GLI3: variants seen among roughly 807,000 people sequenced by gnomAD.
GLI3 encodes transcription activator GLI3.
GLI3 carries 20 observed loss-of-function variants against 100.8 expected under a neutral mutation model. The ratio of observed to expected loss-of-function variants is 0.20; its 90% CI spans 0.14 to 0.29. GLI3 has a LOEUF of 0.29. Ranked by LOEUF, GLI3 falls within the 10% of genes least tolerant of loss-of-function variation. The probability of loss-of-function intolerance (pLI) is 1.00; values close to 1 mark genes in which losing one functional copy is unlikely to be tolerated. For missense variants in GLI3, 2,040 were observed against 2,128.5 expected (o/e 0.96, Z 0.82); for synonymous variants, 938 against 860.5 (o/e 1.09, Z -1.58).
At chr7:42,232,023 T>A (rs1788704359) in intron 1 of GLI3, among the ~76,000 whole-genome samples, 1 of 152,056 alleles carries the variant, frequency 6.6e-6, no homozygotes. Flanking sequence ...TTATCCCCCA[T>A]TACTTAATTA....
At chr7:42,018,744 C>T (rs561404187) in intron 10 of GLI3, among the ~76,000 whole-genome samples, 2 of 152,288 alleles carry the variant, frequency 1.3e-5, no homozygotes, top group Non-Finnish European at 2.9e-5. Context: ...AAATTCGCAG[C>T]ATATGAAAGC....
At chr7:42,063,782 T>C (rs1390511105) in intron 4 of GLI3, among the ~76,000 whole-genome samples, 1 of 152,152 alleles carries the variant, frequency 6.6e-6, no homozygotes, top group Admixed American at 6.6e-5. Context: ...TGATATAAAA[T>C]GGTATTGAAT....
At chr7:42,073,682 C>T (rs1319886100) in intron 4 of GLI3, among the ~76,000 whole-genome samples, 3 of 152,264 alleles carry the variant, frequency 2.0e-5, no homozygotes, top group South Asian at 2.1e-4. Context: ...AGAGATCTGT[C>T]GGCATTTCCA....
intron 2 of GLI3, among the ~76,000 whole-genome samples, chr7:42,202,346 T>TCTCTCACA (rs1184635369): frequency 8.7e-6 from 1 of 115,248 alleles, no homozygotes; most frequent in African/African-American, 3.3e-5. Flanking sequence ...TCTCTCTCTC[T>TCTCTCACA]CACACACACA....
chr7:41,978,712 CCTT>C lies in GLI3; in HGVS notation c.1531_1533del (p.Lys511del), dbSNP rs761300785. On this transcript the variant is annotated inframe_deletion, in exon 11 of 15. Coordinates refer to ENST00000395925, the MANE Select transcript of GLI3 (RefSeq NM_000168.6). ...CAGTCCAGCCACCTGCACACGAACT[CCTT>C]CTTCTCTCCATGAATATGGTCGTTA... The C allele has an allele frequency of 8.1e-6, 13 of 1,613,822 alleles. No individual in the cohort carries two copies. The highest frequency in any genetic ancestry group is 1.1e-5 in the South Asian group (1 of 91,078).
At chr7:42,238,297 C>G (rs938675125), upstream of GLI3, among the ~76,000 whole-genome samples, 5 of 152,106 alleles carry the variant, frequency 3.3e-5, no homozygotes, top group Non-Finnish European at 7.4e-5. Flanking sequence ...CTTTCTCACT[C>G]TTGCTCAAGG....
chr7:42,123,083 T>C (rs1031342942), intron 3 of GLI3, among the ~76,000 whole-genome samples: 4 of 152,256 alleles, frequency 2.6e-5, no homozygotes, highest in Non-Finnish European at 5.9e-5. Flanking sequence ...GCAAGTCCAT[T>C]ATCGACATTT....
At chr7:42,256,956 A>G (rs1477087350) in intron 1 of GLI3, among the ~76,000 whole-genome samples, 1 of 151,998 alleles carries the variant, frequency 6.6e-6, no homozygotes, top group Non-Finnish European at 1.5e-5. Context: ...TTTTCTTTGC[A>G]GTGTTTTGTA....
In GLI3 at chr7:42,026,157, G is replaced by C. The variant is rs772766325; in HGVS notation, c.1242+42C>G. ...GACGTGGTGGCCTGCCCCCACCCTC[G>C]GCTGACCAGCACGGCCGGGTGCATC... On this transcript the variant is annotated intron_variant, in intron 8 of 14. Coordinates refer to ENST00000395925, the MANE Select transcript of GLI3 (RefSeq NM_000168.6). 6.9e-6 allele frequency: 10 copies of C among 1,455,730 alleles called. No homozygotes were observed. The Admixed American group carries it at 1.4e-4, about 21-fold the overall frequency. 90.2% of individuals were successfully genotyped at this position (1,455,730 alleles called of 1,614,324 possible).
At chr7:42,126,853 A>G (rs1458171963) in intron 3 of GLI3, among the ~76,000 whole-genome samples, 1 of 152,192 alleles carries the variant, frequency 6.6e-6, no homozygotes, top group East Asian at 1.9e-4. Context: ...TTATTAGAAG[A>G]GGGTCAGCCT....
At chr7:42,182,662 A>ATATGTGTGTG (rs1787626421) in intron 2 of GLI3, among the ~76,000 whole-genome samples, 1 of 76,742 alleles carries the variant, frequency 1.3e-5, no homozygotes, top group Non-Finnish European at 2.5e-5. Context: ...ATATATATAT[A>ATATGTGTGTG]TATATATATA....
chr7:41,966,149 G>A lies in GLI3; in HGVS notation c.2924C>T (p.Ala975Val), dbSNP rs940859051. 2 of 1,596,108 alleles carry A rather than the reference G, an allele frequency of 1.3e-6. No individual in the cohort carries two copies. Among genetic ancestry groups the A allele is most frequent in the African/African-American group, 1.3e-5 (1 of 74,818 alleles). The change falls in exon 15 of 15, where the codon GCC (alanine) becomes GTC (valine). Residue 975 changes from alanine to valine, a missense_variant. By Grantham distance (64) the Ala-to-Val change is moderately conservative. Around this residue, in one of 5 missense-constraint regions of GLI3, gnomAD observed 1,041 missense variants for 924.0 expected, o/e 1.13. Transcript: ENST00000395925. The surrounding 1 kb of genome is among the most constrained non-coding windows in gnomAD (Gnocchi z 5.8). Reference sequence around the variant, plus strand: ...TCCCCCGTCGCTGCACCTCCTCGGGGCATGAACTGGAGGCAGGGCCACGCC... The same window carrying A: ...TCCCCCGTCGCTGCACCTCCTCGGGACATGAACTGGAGGCAGGGCCACGCC... ...EPGVALPPVH[A>V]PRRCSDGGAH...
rs770986696 is a variant in GLI3, at chr7:42,045,374, C to T, written c.826+10G>A. 9.3e-6 allele frequency: 15 copies of T among 1,612,894 alleles called. No homozygotes were observed. Among genetic ancestry groups the T allele is most frequent in the Admixed American group, 1.7e-5 (1 of 60,008 alleles). ...TTCCCAAGACTCTAGAAACCAGCCCCGTCACTTACTATCCATAGCATGAAG... is the reference window on the plus strand; with the variant it reads ...TTCCCAAGACTCTAGAAACCAGCCCTGTCACTTACTATCCATAGCATGAAG... On this transcript the variant is annotated intron_variant, in intron 6 of 14. Coordinates refer to ENST00000395925, the MANE Select transcript of GLI3 (RefSeq NM_000168.6).
intron 2 of GLI3, among the ~76,000 whole-genome samples, chr7:42,204,838 C>A (rs183676332): frequency 1.3e-5 from 2 of 152,060 alleles, no homozygotes; most frequent in Non-Finnish European, 2.9e-5. Context: ...ACGACTTCCC[C>A]GAGACTCTCC....
At position 42,026,170 on chromosome 7, in the gene GLI3, G is replaced by A. The variant is rs751800246; in HGVS notation, c.1242+29C>T. On this transcript the variant is annotated intron_variant, in intron 8 of 14. Transcript: ENST00000395925. ...GCCCCCACCCTCGGCTGACCAGCAC[G>A]GCCGGGTGCATCGACCTGTCCCTCT... The A allele has an allele frequency of 1.4e-5, 22 of 1,544,152 alleles. No individual in the cohort carries two copies. The South Asian group carries it at 1.5e-4, about 10-fold the overall frequency.
intron 2 of GLI3, among the ~76,000 whole-genome samples, chr7:42,215,197 T>G (rs1310798347): frequency 6.6e-6 from 1 of 152,154 alleles, no homozygotes; most frequent in Non-Finnish European, 1.5e-5. Context: ...AACCGTTCTG[T>G]GTCTCGATGG....
chr7:41,995,340 T>A (rs973584256), intron 10 of GLI3, among the ~76,000 whole-genome samples: 2 of 152,168 alleles, frequency 1.3e-5, no homozygotes. Context: ...TTCTCTCATC[T>A]GTTTGCAGGA....
At chr7:41,978,900 T>G in intron 10 of GLI3, 152 bp from the exon 11 acceptor site, 1 of 748,102 alleles carries the variant, frequency 1.3e-6, no homozygotes. Context: ...AAATTCCAGT[T>G]AGTACACTTC....
chr7:42,237,854 C>G (rs1288031570), upstream of GLI3: 4 of 150,852 alleles, frequency 2.7e-5, no homozygotes, highest in Non-Finnish European at 5.9e-5. Context: ...TCCCCAAGCC[C>G]GGAGTGGGTC....
Sources: allele counts gnomAD v4.1 joint callset (sites outside exome capture counted in the v4.1 genomes callset), GRCh38; gene constraint gnomAD v4.1.1; regional missense constraint gnomAD v4.1.1; non-coding constraint Gnocchi (gnomAD v3.1); transcripts MANE v1.5; gene names NCBI Gene and HGNC (gene_info 2026-07-23, HGNC 2026-07-21).